Variants in EWSR1 observed in about 807,000 individuals in gnomAD.
EWSR1 encodes EWS RNA binding protein 1, also known as RNA-binding protein EWS.
Under a neutral mutation model 92.1 loss-of-function variants are expected in EWSR1, and 14 were observed. The observed-to-expected ratio is 0.15, with a 90% confidence interval of 0.10 to 0.24. The LOEUF is 0.24. Among genes scored for constraint, EWSR1 ranks in the 10% least tolerant of loss-of-function variants. EWSR1 has a pLI of 1.00. For synonymous variants in EWSR1, 303 were observed against 292.9 expected (o/e 1.03, Z -0.35); for missense variants, 637 against 870.9 (o/e 0.73, Z 3.38).
intron 11 of EWSR1, among the ~76,000 whole-genome samples, chr22:29,294,013 C>A (rs546900969): frequency 6.6e-6 from 1 of 151,874 alleles, no homozygotes; most frequent in African/African-American, 2.4e-5. Context: ...GAATTACAGG[C>A]GCCTGCCAGC....
chr22:29,285,130 T>G (rs925562674), intron 6 of EWSR1, among the ~76,000 whole-genome samples: 3 of 146,846 alleles, frequency 2.0e-5, no homozygotes, highest in Non-Finnish European at 4.5e-5. Flanking sequence ...TTGTTTTTTT[T>G]TTTTTTTTTT....
At chr22:29,290,532 A>G (rs1342465389) in intron 8 of EWSR1, 1 of 1,585,812 alleles carries the variant, frequency 6.3e-7, no homozygotes, top group Admixed American at 1.8e-5. Flanking sequence ...GAGGAAAAAT[A>G]TACATAGAAT....
intron 11 of EWSR1, among the ~76,000 whole-genome samples, chr22:29,294,327 C>T (rs922651462): frequency 6.6e-6 from 1 of 151,864 alleles, no homozygotes; most frequent in African/African-American, 2.4e-5. Flanking sequence ...GTTGATTTGG[C>T]CGGGCGCGGT....
chr22:29,285,122 G>GTTTTTTTTT (rs35739164), intron 6 of EWSR1, among the ~76,000 whole-genome samples: 2 of 111,608 alleles, frequency 1.8e-5, no homozygotes, highest in Non-Finnish European at 1.7e-5. Context: ...TCTGGCCCTT[G>GTTTTTTTTT]TTTTTTTTTT....
chr22:29,280,371 C>A (rs1288107785), intron 5 of EWSR1, among the ~76,000 whole-genome samples: 1 of 152,076 alleles, frequency 6.6e-6, no homozygotes, highest in Non-Finnish European at 1.5e-5. Flanking sequence ...CCCGGCCTGC[C>A]TGTTGATTCT....
chr22:29,296,154 G>T, intron 11 of EWSR1, 85 bp from the exon 12 acceptor site: 3 of 1,369,334 alleles, frequency 2.2e-6, no homozygotes, highest in Non-Finnish European at 3.0e-6. Context: ...GTGAGAAATT[G>T]GTACTTTTCC....
chr22:29,273,228 G>T (rs149969412), intron 3 of EWSR1, among the ~76,000 whole-genome samples: 2 of 152,318 alleles, frequency 1.3e-5, no homozygotes, highest in Admixed American at 1.3e-4. Context: ...CTTTGAAGTG[G>T]TATAGTAGTT....
intron 5 of EWSR1, among the ~76,000 whole-genome samples, chr22:29,279,095 G>A (rs2059354689): frequency 6.6e-6 from 1 of 152,144 alleles, no homozygotes; most frequent in South Asian, 2.1e-4. Flanking sequence ...GGTAGGAGAA[G>A]GCTATTGTTT....
intron 9 of EWSR1, 23 bp from the exon 10 acceptor site, chr22:29,292,114 A>G: frequency 6.2e-7 from 1 of 1,611,446 alleles, no homozygotes; most frequent in East Asian, 2.2e-5. Flanking sequence ...ATAATATTTT[A>G]TATGATCTTT....
intron 9 of EWSR1, 166 bp downstream of exon 9, chr22:29,291,765 A>G (rs192678642): frequency 1.1e-5 from 7 of 637,938 alleles, no homozygotes; most frequent in Admixed American, 9.6e-5. Context: ...AGGTTAACCT[A>G]TGGTTACAAA....
chr22:29,274,108 C>CA (rs1392014993), intron 4 of EWSR1, among the ~76,000 whole-genome samples: 1 of 152,186 alleles, frequency 6.6e-6, no homozygotes, highest in African/African-American at 2.4e-5. Flanking sequence ...TGAATAATCT[C>CA]ACGATGAAAT....
At chr22:29,277,239 A>G (rs2059192425) in intron 4 of EWSR1, 1 of 226,736 alleles carries the variant, frequency 4.4e-6, no homozygotes, top group African/African-American at 2.2e-5. Context: ...AATATTGCTG[A>G]GCAGGAAAAA....
chr22:29,283,094 C>T (rs890889237), intron 6 of EWSR1, among the ~76,000 whole-genome samples: 14 of 152,272 alleles, frequency 9.2e-5, no homozygotes, highest in African/African-American at 3.1e-4. Context: ...AATACAAAAA[C>T]ATTTTTACCA....
At chr22:29,279,534 CT>C (rs1569068570) in intron 5 of EWSR1, among the ~76,000 whole-genome samples, 1 of 152,218 alleles carries the variant, frequency 6.6e-6, no homozygotes, top group Non-Finnish European at 1.5e-5. Context: ...ATAATTATTA[CT>C]TAACAAAAGA....
chr22:29,294,257 G>A (rs73156524), intron 11 of EWSR1, among the ~76,000 whole-genome samples: 13,927 of 152,206 alleles, frequency 0.092, 753 homozygotes, highest in East Asian at 0.28. Context: ...TCAAGTTGCT[G>A]TGGTTAAGGG....
intron 5 of EWSR1, among the ~76,000 whole-genome samples, chr22:29,278,715 C>T (rs2147040044): frequency 6.6e-6 from 1 of 152,114 alleles, no homozygotes; most frequent in East Asian, 1.9e-4. Context: ...GTCCCAGCTA[C>T]TCGGGAGGCT....
At chr22:29,273,611 T>G in intron 3 of EWSR1, 130 bp from the exon 4 acceptor site, 1 of 1,027,592 alleles carries the variant, frequency 9.7e-7, no homozygotes, top group Non-Finnish European at 1.4e-6. Context: ...TGTTTTGTTG[T>G]TTTTGTTTTG....
chr22:29,296,157 A>G, intron 11 of EWSR1, 82 bp from the exon 12 acceptor site: 1 of 1,409,778 alleles, frequency 7.1e-7, no homozygotes, highest in Non-Finnish European at 9.7e-7. Flanking sequence ...AGAAATTGGT[A>G]CTTTTCCTGG....
intron 11 of EWSR1, among the ~76,000 whole-genome samples, chr22:29,294,020 C>T (rs958336776): frequency 5.9e-5 from 9 of 151,812 alleles, no homozygotes; most frequent in African/African-American, 2.2e-4. Context: ...AGGCGCCTGC[C>T]AGCACCCCTG....
Sources: gnomAD v4.1 joint callset for allele counts (sites outside exome capture counted in the v4.1 genomes callset) on GRCh38, gnomAD v4.1.1 for gene constraint, MANE v1.5 for transcripts, NCBI Gene and HGNC (gene_info 2026-07-23, HGNC 2026-07-21) for gene names.